ADGRG5: variants seen among roughly 807,000 people sequenced by gnomAD.
The protein encoded by ADGRG5 is G protein-coupled receptor 114.
In ADGRG5, 37 loss-of-function variants were observed where a neutral mutation model predicts 53.2. The observed-to-expected ratio is 0.70, with a 90% CI of 0.53 to 0.91. ADGRG5 has a LOEUF of 0.91. Among genes scored for constraint, ADGRG5 ranks in the 40% least tolerant of loss-of-function variants. The pLI is 0.00. For missense variants in ADGRG5, 614 were observed against 675.8 expected, an observed-to-expected ratio of 0.91 and a Z score of 1.01; for synonymous variants, 277 against 290.4, an observed-to-expected ratio of 0.95 and a Z score of 0.47.
rs367606004 is a variant in ADGRG5 at position 57,563,923 on chromosome 16, C to T, written c.373C>T (p.Arg125Cys). The part of the protein sequence containing the change: ...AELTRDACKT[R>C]PRELRLICIY... ...GCTGACCCGGGACGCCTGCAAGACC[C>T]GCCCCAGGGAGCTGCGGCTCATCTG... Residue 125 changes from arginine to cysteine, a missense_variant, in exon 5 of 12, where the codon CGC becomes TGC. Coordinates refer to ENST00000349457, the MANE Select transcript of ADGRG5 (RefSeq NM_001304376.3). The T allele has an allele frequency of 1.8e-5, 29 of 1,613,994 alleles. No homozygotes were observed. Among genetic ancestry groups the T allele is most frequent in the Middle Eastern group, 1.6e-4 (1 of 6,082 alleles).
At position 57,567,499 on chromosome 16, in the gene ADGRG5, G is replaced by C. The variant is rs751424534; in HGVS notation, c.729G>C (p.Glu243Asp). Residue 243 changes from glutamate (E) to aspartate (D), a missense_variant, in exon 8 of 12, where the codon GAG (glutamate) becomes GAC (aspartate). Physicochemically the swap from Glu to Asp is conservative, Grantham distance 45. Transcript: ENST00000349457. ...MQLSPALVPA[E>D]LLAPLTYISL... ...TCTCCCCAGCCCTGGTCCCTGCAGA[G>C]TTGCTGGCACCTCTTACGTACATCT... The C allele has an allele frequency of 5.0e-6, 8 of 1,610,716 alleles. No homozygotes were observed. The South Asian group carries it at 8.8e-5, about 18-fold the overall frequency.
chr16:57,554,462 T>C (rs567111361), intron 1 of ADGRG5, among the ~76,000 whole-genome samples: 38 of 152,048 alleles, frequency 2.5e-4, no homozygotes, highest in East Asian at 1.7e-3. Context: ...CTGCAAGCTC[T>C]GCCTCCCAGG....
rs146006750 is a variant in ADGRG5 at position 57,567,892 on chromosome 16, C to A, written c.858C>A (p.Asn286Lys). ...ACTCCTTAACACGCATCCACATGAA[C>A]CTGCATGCCTCCGTGCTGCTCCTGA... ...QSDSLTRIHMNLHASVLLLNI... is the reference protein window; with the variant it reads ...QSDSLTRIHMKLHASVLLLNI... The change falls in exon 9 of 12, where the codon AAC (asparagine) becomes AAA (lysine). Residue 286 changes from asparagine (N) to lysine (K), a missense_variant. Asn to Lys is a moderately conservative substitution (Grantham distance 94). Transcript: ENST00000349457. The A allele has an allele frequency of 1.2e-6, 2 of 1,612,840 alleles. No individual in the cohort carries two copies. The highest frequency in any genetic ancestry group is 2.2e-5 in the South Asian group (2 of 91,022).
chr16:57,566,717 G>A lies in ADGRG5; in HGVS notation c.665G>A (p.Arg222His), dbSNP rs115753984. 25 of 1,569,998 alleles carry A rather than the reference G, an allele frequency of 1.6e-5. 1 individual carries two copies. In the East Asian group the frequency reaches 4.3e-4, roughly 27 times the overall value. The change falls in exon 7 of 12, where the codon CGC becomes CAC. Residue 222 changes from arginine to histidine, a missense_variant. By Grantham distance (29) the Arg-to-His change is conservative (BLOSUM62 0). Transcript: ENST00000349457. ...EQPSHSQVLC[R>H]CNHLTYFAVL... ...CCCTCCCACTCTCAGGTGCTCTGCC[G>A]CTGCAACCACCTCACCTACTTTGCT...
rs755662054 is a variant in ADGRG5, at chr16:57,562,099, T to C, written c.6T>C (p.Asp2=). M[D]HCGALFLCLC... ...GAGGAGACTCTGCACAGGGCATGGA[T>C]CACTGTGGTGCCCTTTTCCTGTGCC... The change falls in exon 2 of 12, where the codon GAT becomes GAC. Residue 2 remains aspartate, a synonymous_variant. Coordinates refer to ENST00000349457, the MANE Select transcript of ADGRG5 (RefSeq NM_001304376.3). The C allele has an allele frequency of 1.3e-6, 2 of 1,591,106 alleles. No individual in the cohort carries two copies. Among genetic ancestry groups the C allele is most frequent in the Middle Eastern group, 1.7e-4 (1 of 5,972 alleles).
chr16:57,540,187 G>T (rs1356350165), upstream of ADGRG5, among the ~76,000 whole-genome samples: 3 of 152,252 alleles, frequency 2.0e-5, no homozygotes, highest in East Asian at 5.8e-4. Context: ...AGGTTGCAGT[G>T]AGCCGAGATT....
chr16:57,554,629 G>A (rs2032838673), intron 1 of ADGRG5, among the ~76,000 whole-genome samples: 1 of 152,076 alleles, frequency 6.6e-6, no homozygotes, highest in Admixed American at 6.6e-5. Context: ...GCCCACCTTG[G>A]CCTCCCAAAG....
At chr16:57,564,973 G>T in intron 5 of ADGRG5, 61 bp from the exon 6 acceptor site, 1 of 961,050 alleles carries the variant, frequency 1.0e-6, no homozygotes, top group South Asian at 1.4e-5. Context: ...GCGGAGCTCA[G>T]ACCTTACCCA....
intron 1 of ADGRG5, among the ~76,000 whole-genome samples, chr16:57,550,155 T>G (rs1276372913): frequency 6.6e-6 from 1 of 152,206 alleles, no homozygotes; most frequent in Non-Finnish European, 1.5e-5. Flanking sequence ...TGTTGTATTT[T>G]TAGTAGAGAC....
chr16:57,541,946 T>C (rs1366416684), upstream of ADGRG5, among the ~76,000 whole-genome samples: 1 of 150,750 alleles, frequency 6.6e-6, no homozygotes, highest in East Asian at 2.0e-4. Context: ...CACCATGCTC[T>C]GCCACTTGGC....
In ADGRG5 at chr16:57,563,073, C is replaced by A. The variant is rs1298167660; in HGVS notation, c.141-18C>A. ...CACTCCGGGCTCTGGCCTCCCTGGC[C>A]ATCTCTCTGGGCTGCAGTCAACTCC... On this transcript the variant is annotated intron_variant, in intron 3 of 11. Coordinates refer to ENST00000349457, the MANE Select transcript of ADGRG5 (RefSeq NM_001304376.3). 5.6e-6 allele frequency: 9 copies of A among 1,613,898 alleles called. No homozygotes were observed. Among genetic ancestry groups the A allele is most frequent in the Non-Finnish European group, 7.6e-6 (9 of 1,179,972 alleles).
At chr16:57,531,504 A>G in the ADGRG5 span, among the ~76,000 whole-genome samples, 1 of 151,990 alleles carries the variant, frequency 6.6e-6, no homozygotes, top group African/African-American at 2.4e-5. Flanking sequence ...CCCATCATGC[A>G]CTTTCACCTC....
rs1267666937 is a variant in ADGRG5 at position 57,563,135 on chromosome 16, C to T, written c.185C>T (p.Pro62Leu). 6.2e-7 allele frequency: 1 copy of T among 1,614,202 alleles called. No individual in the cohort carries two copies. The highest frequency in any genetic ancestry group is 1.7e-5 in the Admixed American group (1 of 60,030). ...LEQMLLNTSF[P>L]GYNLTLQTPT... is the part of the protein sequence containing the mutation. ...CAGATGCTACTGAACACCAGCTTCCCAGGCTACAACCTGACCTTGCAGACA... is the reference window on the plus strand; with the variant it reads ...CAGATGCTACTGAACACCAGCTTCCTAGGCTACAACCTGACCTTGCAGACA... Residue 62 changes from proline to leucine, a missense_variant, in exon 4 of 12, where the codon CCA becomes CTA. By Grantham distance (98) the Pro-to-Leu change is moderately conservative. Coordinates refer to ENST00000349457, the MANE Select transcript of ADGRG5 (RefSeq NM_001304376.3).
Position 57,570,400 on chromosome 16 carries a change from C to G in ADGRG5, c.1091-18C>G, listed in dbSNP as rs1174840161. On this transcript the variant is annotated intron_variant, in intron 9 of 11. Transcript: ENST00000349457. The stretch of plus-strand genomic sequence containing the variant: ...CAGCCCTCTCCCACATCTCCTGAGC[C>G]TTTGTCCCACCCCTCAGGGGCCCCA... 6 of 1,566,330 alleles carry G rather than the reference C, an allele frequency of 3.8e-6. No homozygotes were observed. Among genetic ancestry groups the G allele is most frequent in the Non-Finnish European group, 5.3e-6 (6 of 1,140,274 alleles).
At chr16:57,573,878 C>A (rs1269320692) in intron 10 of ADGRG5, among the ~76,000 whole-genome samples, 1 of 152,126 alleles carries the variant, frequency 6.6e-6, no homozygotes, top group Non-Finnish European at 1.5e-5. Flanking sequence ...CCTGCCACCA[C>A]GCCCAGCTAA....
chr16:57,572,300 C>T (rs2146837709), intron 10 of ADGRG5, among the ~76,000 whole-genome samples: 1 of 152,076 alleles, frequency 6.6e-6, no homozygotes, highest in Middle Eastern at 3.4e-3. Flanking sequence ...ACAGTGAAAC[C>T]CCGTCTCTAT....
intron 1 of ADGRG5, among the ~76,000 whole-genome samples, chr16:57,546,431 C>T (rs1464611459): frequency 6.6e-6 from 1 of 152,120 alleles, no homozygotes; most frequent in Admixed American, 6.5e-5. Flanking sequence ...CCGCCATTTG[C>T]CCATTTTTAT....
chr16:57,543,968 A>G (rs556486627), intron 1 of ADGRG5, among the ~76,000 whole-genome samples: 65 of 152,308 alleles, frequency 4.3e-4, no homozygotes, highest in Admixed American at 1.2e-3. Context: ...GTGCCTGCCC[A>G]GTGTCACACA....
chr16:57,541,166 C>T (rs1194322751), upstream of ADGRG5, among the ~76,000 whole-genome samples: 1 of 152,140 alleles, frequency 6.6e-6, no homozygotes, highest in Non-Finnish European at 1.5e-5. Flanking sequence ...AAGTAACGGG[C>T]ACTAACTTAG....
Sources: allele counts gnomAD v4.1 joint callset (sites outside exome capture counted in the v4.1 genomes callset), GRCh38; gene constraint gnomAD v4.1.1; transcripts MANE v1.5; gene names NCBI Gene and HGNC (gene_info 2026-07-23, HGNC 2026-07-21).